Variants in KLRG1 observed in about 807,000 individuals in gnomAD.
KLRG1 encodes the protein killer cell lectin-like receptor subfamily G member 1.
Under a neutral mutation model 21.8 loss-of-function variants are expected in KLRG1, and 16 were observed. The observed-to-expected ratio is 0.73, with a 90% CI of 0.50 to 1.11. The LOEUF (loss-of-function observed/expected upper bound fraction) is 1.11. KLRG1 is among the 50% of genes most tolerant of loss of function. The pLI, the probability that KLRG1 is intolerant of heterozygous loss-of-function variation, is 0.00. For synonymous variants in KLRG1, 69 were observed against 75.9 expected (o/e 0.91, Z 0.47); for missense variants, 173 against 218.3 (o/e 0.79, Z 1.31).
intron 1 of KLRG1, among the ~76,000 whole-genome samples, chr12:8,966,932 A>C (rs1361482096): frequency 6.7e-6 from 1 of 148,504 alleles, no homozygotes; most frequent in Non-Finnish European, 1.5e-5. Flanking sequence ...CTTGGAACCA[A>C]CCCAAATGTC....
At chr12:9,077,286 G>T in the KLRG1 span, 2 of 1,442,588 alleles carry the variant, frequency 1.4e-6, no homozygotes, top group Non-Finnish European at 1.9e-6. Context: ...TCAGACAGCA[G>T]GTCAGCAGTT....
At chr12:9,051,436 G>C in the KLRG1 span, among the ~76,000 whole-genome samples, 233 of 152,268 alleles carry the variant, frequency 1.5e-3, 1 homozygote, top group Non-Finnish European at 1.5e-3. Flanking sequence ...TCTGCTGAGA[G>C]ATTCAGAGAC....
chr12:9,068,685 T>G, the KLRG1 span: 1 of 1,391,688 alleles, frequency 7.2e-7, no homozygotes, highest in Non-Finnish European at 1.0e-6. Context: ...CTCCTAAACC[T>G]GAATTTCTGT....
At chr12:9,201,045 G>T in the KLRG1 span, 1 of 1,613,876 alleles carries the variant, frequency 6.2e-7, no homozygotes, top group Non-Finnish European at 8.5e-7. Flanking sequence ...TGTGCAATTC[G>T]ATTTCTTCTT....
the KLRG1 span, among the ~76,000 whole-genome samples, chr12:9,086,736 G>A: frequency 6.6e-6 from 1 of 152,258 alleles, no homozygotes; most frequent in East Asian, 1.9e-4. Context: ...ACAAGACAAG[G>A]ATACCCACTG....
At chr12:9,169,714 C>A in the KLRG1 span, 1 of 888,922 alleles carries the variant, frequency 1.1e-6, no homozygotes, top group Non-Finnish European at 1.6e-6. Context: ...TAGTTGGTAC[C>A]TTAGAGATAG....
At chr12:8,979,828 C>G (rs975170448) in intron 1 of KLRG1, among the ~76,000 whole-genome samples, 1 of 152,012 alleles carries the variant, frequency 6.6e-6, no homozygotes, top group Non-Finnish European at 1.5e-5. Flanking sequence ...TTGATCAAGT[C>G]TGCTGTTGAA....
the KLRG1 span, chr12:9,090,104 T>C: frequency 6.5e-6 from 10 of 1,540,710 alleles, no homozygotes; most frequent in Admixed American, 1.2e-4. Flanking sequence ...AAATGTTCAA[T>C]GCTCTGTAAA....
chr12:9,213,147 C>A, the KLRG1 span, among the ~76,000 whole-genome samples: 1 of 152,172 alleles, frequency 6.6e-6, no homozygotes, highest in African/African-American at 2.4e-5. Context: ...TATAGTACTT[C>A]ATTCCTTTAC....
chr12:9,053,377 TGTCTACCC>T, the KLRG1 span, among the ~76,000 whole-genome samples: 4 of 152,114 alleles, frequency 2.6e-5, 1 homozygote, highest in East Asian at 7.7e-4. Flanking sequence ...ATCCATCAGA[TGTCTACCC>T]TGTGAAGTAG....
the KLRG1 span, among the ~76,000 whole-genome samples, chr12:9,023,581 A>T: frequency 2.7e-5 from 4 of 146,030 alleles, no homozygotes; most frequent in African/African-American, 7.6e-5. Context: ...TTTTTAAGAG[A>T]TGGTCTTGCT....
chr12:8,979,355 G>A (rs1401489283), intron 1 of KLRG1, among the ~76,000 whole-genome samples: 1 of 152,112 alleles, frequency 6.6e-6, no homozygotes, highest in Non-Finnish European at 1.5e-5. Flanking sequence ...TCCAAGTATA[G>A]TATTCTTGGT....
At chr12:9,124,605 C>A in the KLRG1 span, among the ~76,000 whole-genome samples, 8 of 152,224 alleles carry the variant, frequency 5.3e-5, no homozygotes, top group African/African-American at 1.9e-4. Context: ...GGTGCAGCTG[C>A]GGCACCCTCA....
At chr12:9,019,920 T>G in the KLRG1 span, among the ~76,000 whole-genome samples, 2 of 152,102 alleles carry the variant, frequency 1.3e-5, no homozygotes, top group African/African-American at 4.8e-5. Flanking sequence ...GAAAACTTTC[T>G]TGTCTCTGTT....
the KLRG1 span, among the ~76,000 whole-genome samples, chr12:9,143,613 C>A: frequency 6.6e-6 from 1 of 152,068 alleles, no homozygotes; most frequent in Non-Finnish European, 1.5e-5. Flanking sequence ...AATATTCAGG[C>A]AAGAACCTCC....
At chr12:9,042,352 A>C in the KLRG1 span, among the ~76,000 whole-genome samples, 1 of 152,248 alleles carries the variant, frequency 6.6e-6, no homozygotes, top group Non-Finnish European at 1.5e-5. Flanking sequence ...AAATTACAAC[A>C]GAGCAAAAGA....
chr12:9,001,796 A>T (rs2137394284), intron 3 of KLRG1, among the ~76,000 whole-genome samples: 1 of 152,240 alleles, frequency 6.6e-6, no homozygotes, highest in Non-Finnish European at 1.5e-5. Context: ...TTTTGGGATG[A>T]TTTCAGCCAT....
the KLRG1 span, among the ~76,000 whole-genome samples, chr12:9,078,880 G>A: frequency 6.6e-6 from 1 of 152,128 alleles, no homozygotes; most frequent in African/African-American, 2.4e-5. Flanking sequence ...CAAGCTGAAT[G>A]ACTTAGAATG....
intron 1 of KLRG1, among the ~76,000 whole-genome samples, chr12:8,965,697 G>C (rs368318324): frequency 1.3e-5 from 2 of 152,162 alleles, no homozygotes; most frequent in Admixed American, 6.5e-5. Flanking sequence ...AGGACACAAA[G>C]AAATGGAAGA....
Sources: gnomAD v4.1 joint callset for allele counts (sites outside exome capture counted in the v4.1 genomes callset) on GRCh38, gnomAD v4.1.1 for gene constraint, MANE v1.5 for transcripts, NCBI Gene and HGNC (gene_info 2026-07-23, HGNC 2026-07-21) for gene names.